CACNA1C: variants seen among roughly 807,000 people sequenced by gnomAD.
CACNA1C encodes voltage-dependent L-type calcium channel subunit alpha-1C.
A neutral mutation model predicts 229.0 loss-of-function variants in CACNA1C; 30 were observed. The observed-to-expected ratio is 0.13, with a 90% CI of 0.10 to 0.18. The LOEUF is 0.18. Ranked by LOEUF, CACNA1C falls within the 10% of genes least tolerant of loss-of-function variation. The pLI is 1.00. For synonymous variants in CACNA1C, 1,114 were observed against 1,132.5 expected, an observed-to-expected ratio of 0.98 and a Z score of 0.33; for missense variants, 1,658 against 2,845.0, an observed-to-expected ratio of 0.58 and a Z score of 9.49.
chr12:2,625,642 A>G (rs532762071), intron 29 of CACNA1C, among the ~76,000 whole-genome samples: 4 of 152,238 alleles, frequency 2.6e-5, no homozygotes, highest in Non-Finnish European at 1.5e-5. Flanking sequence ...GTGTGAACTT[A>G]TATCATTCTC....
chr12:2,592,701 GA>G (rs2065959594), intron 18 of CACNA1C, among the ~76,000 whole-genome samples: 1 of 91,326 alleles, frequency 1.1e-5, no homozygotes. Flanking sequence ...GACAGCACAT[GA>G]ATTTTTTTTT....
intron 3 of CACNA1C, among the ~76,000 whole-genome samples, chr12:2,306,077 C>A (rs2094992019): frequency 1.3e-5 from 2 of 152,226 alleles, no homozygotes; most frequent in African/African-American, 4.8e-5. Flanking sequence ...AGGATTTGAG[C>A]CCAGGCAGCC....
intron 3 of CACNA1C, among the ~76,000 whole-genome samples, chr12:2,269,460 T>C (rs1566790858): frequency 6.6e-6 from 1 of 152,140 alleles, no homozygotes; most frequent in Non-Finnish European, 1.5e-5. Context: ...TTCAAAATCA[T>C]ACACAGCCCT....
At position 2,693,938 on chromosome 12, in the gene CACNA1C, A is replaced by C. The variant is rs1049657310; in HGVS notation, c.*2739A>C. On this transcript the variant is annotated 3_prime_UTR_variant, in exon 47 of 47. Coordinates refer to ENST00000399655, the MANE Select transcript of CACNA1C (RefSeq NM_000719.7). ...ACAGCTTGCTGGACTGATTCATGAC[A>C]AAGTGGAGAAATGTACTCAATACTC... 2 of 152,340 alleles carry C rather than the reference A, an allele frequency of 1.3e-5. No homozygotes were observed. The highest frequency in any genetic ancestry group is 4.1e-4 in the South Asian group (2 of 4,832). 9.4% of individuals were successfully genotyped at this position (152,340 alleles called of 1,614,324 possible).
intron 3 of CACNA1C, among the ~76,000 whole-genome samples, chr12:2,148,866 T>A (rs1009877587): frequency 6.6e-6 from 1 of 152,226 alleles, no homozygotes; most frequent in Non-Finnish European, 1.5e-5. Flanking sequence ...TCCTTGGCTC[T>A]ATGCACTACC....
chr12:2,135,648 G>A (rs1447573747), intron 3 of CACNA1C, among the ~76,000 whole-genome samples: 1 of 143,022 alleles, frequency 7.0e-6, no homozygotes, highest in African/African-American at 2.9e-5. Flanking sequence ...CCCACTTGAA[G>A]AGGCAGTCTG....
chr12:2,157,994 C>T (rs926474847), intron 3 of CACNA1C, among the ~76,000 whole-genome samples: 23 of 152,006 alleles, frequency 1.5e-4, no homozygotes, highest in African/African-American at 4.1e-4. Context: ...GAAGAATATC[C>T]AAGAAAGTAG....
At chr12:2,143,935 T>A (rs75026070) in intron 3 of CACNA1C, among the ~76,000 whole-genome samples, 1,737 of 150,934 alleles carry the variant, frequency 0.012, 44 homozygotes, top group African/African-American at 0.04. Flanking sequence ...ATTTACATGC[T>A]ATCTATATGA....
At chr12:2,502,736 T>C (rs965674984) in intron 7 of CACNA1C, among the ~76,000 whole-genome samples, 5 of 152,220 alleles carry the variant, frequency 3.3e-5, no homozygotes, top group Non-Finnish European at 7.3e-5. Flanking sequence ...ATTCCCGGCA[T>C]GCAGAGAACA....
rs146461434 is a variant in CACNA1C, at chr12:2,154,699, C to T, written c.477+34269C>T. 1.8e-4 allele frequency among the ~76,000 whole-genome samples: 27 copies of T among 152,338 alleles called. No homozygotes were observed. The East Asian group carries it at 3.5e-3, about 20-fold the overall frequency. On this transcript the variant is annotated intron_variant, in intron 3 of 46. Coordinates refer to ENST00000399655, the MANE Select transcript of CACNA1C (RefSeq NM_000719.7). ...GAGAAACTGAAGCCTAGAACGCCCC[C>T]CTCTCTGATGACTGCTGCCTACGCT...
chr12:2,682,882 C>CACAACACACACAAACACAACACAA (rs1457044328), intron 43 of CACNA1C, among the ~76,000 whole-genome samples: 9 of 16,686 alleles, frequency 5.4e-4, no homozygotes, highest in South Asian at 6.4e-3. Context: ...ACACACACCA[C>CACAACACACACAAACACAACACAA]ACACACACAC....
intron 3 of CACNA1C, among the ~76,000 whole-genome samples, chr12:2,351,995 G>A (rs1268797783): frequency 3.3e-5 from 5 of 152,202 alleles, no homozygotes; most frequent in Non-Finnish European, 5.9e-5. Flanking sequence ...AACCTGCCCT[G>A]TTATCTGTGT....
chr12:2,096,931 A>C (rs1373992362), intron 1 of CACNA1C, among the ~76,000 whole-genome samples: 1 of 152,208 alleles, frequency 6.6e-6, no homozygotes, highest in Non-Finnish European at 1.5e-5. Context: ...AAGGCTGAAT[A>C]ATACTCCATT....
intron 1 of CACNA1C, among the ~76,000 whole-genome samples, chr12:2,100,697 G>A (rs1052180273): frequency 6.6e-6 from 1 of 151,824 alleles, no homozygotes; most frequent in Admixed American, 6.6e-5. Context: ...GGTTGAGGCT[G>A]CAGTGAGCTG....
chr12:2,052,576 G>T (rs1223435201), upstream of CACNA1C, among the ~76,000 whole-genome samples: 1 of 146,706 alleles, frequency 6.8e-6, no homozygotes, highest in Non-Finnish European at 1.5e-5. Flanking sequence ...CGGGGGGCGC[G>T]ACGCCGCCGG....
intron 3 of CACNA1C, among the ~76,000 whole-genome samples, chr12:2,138,990 C>T (rs1452317241): frequency 6.6e-6 from 1 of 150,542 alleles, no homozygotes; most frequent in Admixed American, 6.7e-5. Context: ...CATTTAGCCT[C>T]CTGCTTACTC....
chr12:1,977,418 C>T (rs1020356417), intron 1 of CACNA1C, among the ~76,000 whole-genome samples: 3 of 152,202 alleles, frequency 2.0e-5, no homozygotes, highest in East Asian at 1.9e-4. Context: ...TCACTCCAAG[C>T]AGCGTATCTT....
Position 2,512,361 on chromosome 12 carries a change from G to T in CACNA1C, c.1218-451G>T, listed in dbSNP as rs373588689. Among the ~76,000 whole-genome samples, 393 of 152,240 alleles carry T rather than the reference G, an allele frequency of 2.6e-3. 2 individuals carry two copies. Among genetic ancestry groups the T allele is most frequent in the African/African-American group, 9.1e-3 (378 of 41,544 alleles). On this transcript the variant is annotated intron_variant, in intron 8 of 46. Transcript: ENST00000399655. This position sits in a 1 kb window ranked among gnomAD's most constrained non-coding sequence, Gnocchi z 4.3. ...GGTACACTGCCGGTCCTAAAACCTT[G>T]TGTCACCTGGAGACCCTTGGGAGAA... is the stretch of plus-strand genomic sequence containing the variant.
intron 1 of CACNA1C, among the ~76,000 whole-genome samples, chr12:2,109,929 T>C (rs10848615): frequency 0.19 from 28,265 of 152,190 alleles, 6,724 homozygotes; most frequent in African/African-American, 0.56. Flanking sequence ...CCTTCTACAG[T>C]GTCACTGTAG....
Sources: allele counts gnomAD v4.1 joint callset (sites outside exome capture counted in the v4.1 genomes callset), GRCh38; gene constraint gnomAD v4.1.1; non-coding constraint Gnocchi (gnomAD v3.1); transcripts MANE v1.5; gene names NCBI Gene and HGNC (gene_info 2026-07-23, HGNC 2026-07-21).